Variants in IL33 observed in about 807,000 individuals in gnomAD.
The protein encoded by IL33 is interleukin 33.
Under a neutral mutation model 27.3 loss-of-function variants are expected in IL33, and 37 were observed. The ratio of observed to expected loss-of-function variants is 1.36; its 90% CI spans 1.04 to 1.78. The LOEUF (loss-of-function observed/expected upper bound fraction) is 1.78, where lower values mean the gene tolerates loss of function less well. Ranked by LOEUF, IL33 falls within the 40% of genes most tolerant of loss-of-function variation. IL33 has a pLI of 0.00. For missense variants in IL33, 406 were observed against 311.4 expected (o/e 1.30, Z -2.29); for synonymous variants, 132 against 102.9 (o/e 1.28, Z -1.71).
At chr9:6,231,466 T>G (rs1818924217) in intron 1 of IL33, among the ~76,000 whole-genome samples, 1 of 152,132 alleles carries the variant, frequency 6.6e-6, no homozygotes, top group Non-Finnish European at 1.5e-5. Context: ...CTTTCATATG[T>G]TCCTCACGCC....
At chr9:6,220,108 G>C (rs781341503) in intron 1 of IL33, among the ~76,000 whole-genome samples, 1 of 152,186 alleles carries the variant, frequency 6.6e-6, no homozygotes, top group East Asian at 1.9e-4. Flanking sequence ...CCTAGGGAAA[G>C]AGTTCCTGCC....
At chr9:6,222,042 G>A (rs1818433889) in intron 1 of IL33, among the ~76,000 whole-genome samples, 1 of 152,156 alleles carries the variant, frequency 6.6e-6, no homozygotes, top group Non-Finnish European at 1.5e-5. Context: ...TGAAAAGCTT[G>A]TCATACCATG....
intron 6 of IL33, among the ~76,000 whole-genome samples, chr9:6,254,141 C>A (rs544492028): frequency 4.1e-4 from 62 of 152,192 alleles, no homozygotes; most frequent in African/African-American, 1.3e-3. Context: ...ATTACTATCC[C>A]AAAAGAGGAA....
intron 2 of IL33, 27 bp from the exon 3 acceptor site, chr9:6,250,447 A>G (rs1816281522): frequency 1.2e-6 from 2 of 1,608,800 alleles, no homozygotes; most frequent in African/African-American, 1.3e-5. Context: ...GGAATGAAAC[A>G]GTCTCACAAG....
intron 2 of IL33, among the ~76,000 whole-genome samples, chr9:6,248,240 C>CTTTTTTTTTTTTTTTTTTTTTTTTTTT (rs1179234471): frequency 1.2e-5 from 1 of 84,886 alleles, no homozygotes; most frequent in Non-Finnish European, 2.3e-5. Context: ...CTTTTCTTTT[C>CTTTTTTTTTTTTTTTTTTTTTTTTTTT]TTTTTTTTTT....
At chr9:6,215,710 C>T (rs1432153301), upstream of IL33, 1 of 152,122 alleles carries the variant, frequency 6.6e-6, no homozygotes, top group Non-Finnish European at 1.5e-5. Flanking sequence ...AGATTTCAAG[C>T]CTGCTAAAAT....
At chr9:6,219,451 A>C (rs909870446) in intron 1 of IL33, among the ~76,000 whole-genome samples, 52 of 152,244 alleles carry the variant, frequency 3.4e-4, no homozygotes, top group African/African-American at 1.1e-3. Flanking sequence ...TTATCGGTAG[A>C]TTACAGTATA....
In IL33 at chr9:6,256,269, A is replaced by C. The variant is rs1816725759; in HGVS notation, c.*101A>C. Reference sequence around the variant, plus strand: ...GACAGGTGACATCTAAGGGAAATGAAGAGTGCTTAGCATGTGTGGAATGTT... The same window carrying C: ...GACAGGTGACATCTAAGGGAAATGACGAGTGCTTAGCATGTGTGGAATGTT... On this transcript the variant is annotated 3_prime_UTR_variant, in exon 8 of 8. Coordinates refer to ENST00000682010, the MANE Select transcript of IL33 (RefSeq NM_033439.4). The C allele has an allele frequency of 6.2e-6, 5 of 807,704 alleles. No homozygotes were observed. Among genetic ancestry groups the C allele is most frequent in the Non-Finnish European group, 1.0e-5 (5 of 490,020 alleles). 50.0% of individuals were successfully genotyped at this position (807,704 alleles called of 1,614,324 possible).
At chr9:6,243,036 G>A (rs369152959) in intron 2 of IL33, among the ~76,000 whole-genome samples, 1 of 152,106 alleles carries the variant, frequency 6.6e-6, no homozygotes, top group Non-Finnish European at 1.5e-5. Flanking sequence ...GTGAGAATTC[G>A]CTCTTGTGAG....
chr9:6,254,503 C>G lies in IL33; in HGVS notation c.562C>G (p.Pro188Ala). Reference protein sequence around the residue: ...DGKMLMVTLSPTKDFWLHANN... With the variant: ...DGKMLMVTLSATKDFWLHANN... ...TAAGATGTTAATGGTAACCCTGAGT[C>G]CTACAAAAGACTTCTGGTTGCATGC... Residue 188 changes from proline (P) to alanine (A), a missense_variant, in exon 7 of 8, where the codon CCT becomes GCT. Transcript: ENST00000682010. The G allele has an allele frequency of 6.3e-7, 1 of 1,597,678 alleles. No homozygotes were observed. Among genetic ancestry groups the G allele is most frequent in the Non-Finnish European group, 8.5e-7 (1 of 1,170,150 alleles).
At chr9:6,225,186 A>G (rs1328023751) in intron 1 of IL33, among the ~76,000 whole-genome samples, 1 of 152,210 alleles carries the variant, frequency 6.6e-6, no homozygotes, top group Non-Finnish European at 1.5e-5. Flanking sequence ...CATCCAAAAA[A>G]TGTGAGCAGT....
In IL33 at chr9:6,252,959, A is replaced by G. The variant is rs781149067; in HGVS notation, c.437A>G (p.Tyr146Cys). The change falls in exon 5 of 8, where the codon TAT becomes TGT. Residue 146 changes from tyrosine (Y) to cysteine (C), a missense_variant. Coordinates refer to ENST00000682010, the MANE Select transcript of IL33 (RefSeq NM_033439.4). ...TTGGAGGATGAAAGTTATGAGATAT[A>G]TGTTGAAGACTTGAAAAAAGATGAA... ...FALEDESYEI[Y>C]VEDLKKDEKK... 8 of 1,577,954 alleles carry G rather than the reference A, an allele frequency of 5.1e-6. No individual in the cohort carries two copies. Among genetic ancestry groups the G allele is most frequent in the Middle Eastern group, 1.7e-4 (1 of 5,936 alleles).
chr9:6,253,084 C>T, intron 5 of IL33, 93 bp downstream of exon 5: 1 of 903,040 alleles, frequency 1.1e-6, no homozygotes, highest in South Asian at 1.9e-5. Flanking sequence ...AATGGATTAA[C>T]TTAGACATGG....
intron 1 of IL33, among the ~76,000 whole-genome samples, chr9:6,237,965 A>C (rs1587636618): frequency 6.6e-6 from 1 of 152,340 alleles, no homozygotes; most frequent in East Asian, 1.9e-4. Context: ...TCCCTATCTT[A>C]TTATTCCAAA....
At chr9:6,234,622 T>C (rs1819090442) in intron 1 of IL33, among the ~76,000 whole-genome samples, 1 of 152,184 alleles carries the variant, frequency 6.6e-6, no homozygotes. Flanking sequence ...CTGCAAGGAC[T>C]CTATGAAGTA....
chr9:6,218,297 C>G (rs1171385997), intron 1 of IL33, among the ~76,000 whole-genome samples: 1 of 152,080 alleles, frequency 6.6e-6, no homozygotes, highest in Admixed American at 6.6e-5. Flanking sequence ...GTTTAGCTTA[C>G]AGTATCTACA....
At chr9:6,250,679 T>C in intron 3 of IL33, 80 bp downstream of exon 3, 3 of 1,488,376 alleles carry the variant, frequency 2.0e-6, no homozygotes, top group Non-Finnish European at 2.7e-6. Flanking sequence ...TATGCAATTA[T>C]TTTTCCTCAC....
intron 1 of IL33, among the ~76,000 whole-genome samples, chr9:6,229,583 G>C (rs1818825610): frequency 6.6e-6 from 1 of 152,146 alleles, no homozygotes; most frequent in African/African-American, 2.4e-5. Context: ...CTCAACCAGG[G>C]AATCTACCTC....
At chr9:6,254,316 G>C (rs1003860720) in intron 6 of IL33, 146 bp from the exon 7 acceptor site, 10 of 478,374 alleles carry the variant, frequency 2.1e-5, no homozygotes, top group South Asian at 1.4e-4. Flanking sequence ...CTTGAACTTG[G>C]GTACAAATAC....
Sources: allele counts gnomAD v4.1 joint callset (sites outside exome capture counted in the v4.1 genomes callset), GRCh38; gene constraint gnomAD v4.1.1; transcripts MANE v1.5; gene names NCBI Gene and HGNC (gene_info 2026-07-23, HGNC 2026-07-21).